WNK2: variants seen among roughly 807,000 people sequenced by gnomAD.
WNK2 encodes the protein serine/threonine-protein kinase WNK2.
A neutral mutation model predicts 192.1 loss-of-function variants in WNK2; 67 were observed. The ratio of observed to expected loss-of-function variants is 0.35; its 90% CI spans 0.29 to 0.43. The LOEUF is 0.43. Among genes scored for constraint, WNK2 ranks in the 20% least tolerant of loss-of-function variants. The pLI, the probability that WNK2 is intolerant of heterozygous loss-of-function variation, is 1.00. For missense variants in WNK2, 2,698 were observed against 3,089.7 expected, an observed-to-expected ratio of 0.87 and a Z score of 3.01; for synonymous variants, 1,439 against 1,393.9, an observed-to-expected ratio of 1.03 and a Z score of -0.72.
intron 2 of WNK2, among the ~76,000 whole-genome samples, chr9:93,200,710 T>C (rs1311263262): frequency 6.6e-6 from 1 of 152,026 alleles, no homozygotes; most frequent in African/African-American, 2.4e-5. Flanking sequence ...GACTTAGAGG[T>C]GAGACGGCCA....
chr9:93,274,515 C>CAAAAAAA (rs67350876), intron 19 of WNK2, among the ~76,000 whole-genome samples: 7 of 118,374 alleles, frequency 5.9e-5, no homozygotes, highest in African/African-American at 2.0e-4. Flanking sequence ...CCGTCTCAAC[C>CAAAAAAA]AAAAAAAAAA....
intron 23 of WNK2, among the ~76,000 whole-genome samples, chr9:93,296,473 ATCCT>A (rs558910168): frequency 1.0e-4 from 2 of 19,382 alleles, no homozygotes; most frequent in Admixed American, 7.7e-4. Context: ...CTCCTTCTTC[ATCCT>A]TCCTTCTCCC....
chr9:93,262,743 C>T lies in WNK2; in HGVS notation c.3410+24C>T, dbSNP rs774415787. On this transcript the variant is annotated intron_variant, in intron 14 of 29. Coordinates refer to ENST00000427277, the MANE Select transcript of WNK2 (RefSeq NM_006648.4). ...AGGTAGTGTGGCCCAGCCTCGACCT[C>T]GCAGGACGGGTGTAGGGGCGCAGGC... The T allele has an allele frequency of 1.5e-5, 24 of 1,610,786 alleles. No homozygotes were observed. In the Admixed American group the frequency reaches 2.8e-4, roughly 19 times the overall value.
At position 93,229,458 on chromosome 9, in the gene WNK2, G is replaced by A. The variant is rs1838366258; in HGVS notation, c.682-238G>A. On this transcript the variant is annotated intron_variant, in intron 2 of 29. Transcript: ENST00000427277. This position sits in a 1 kb window ranked among gnomAD's most constrained non-coding sequence, Gnocchi z 4.9. ...CGTGTGGATTTGCGAGACCTCTTCG[G>A]CTTCCTAGGATGTCTTTTTGCTGAG... Among the ~76,000 whole-genome samples, 1 of 152,072 alleles carries A rather than the reference G, an allele frequency of 6.6e-6. No individual in the cohort carries two copies. The highest frequency in any genetic ancestry group is 2.1e-4 in the South Asian group (1 of 4,830).
chr9:93,263,496 T>A (rs1844625418), intron 14 of WNK2, 70 bp from the exon 15 acceptor site: 2 of 1,560,880 alleles, frequency 1.3e-6, no homozygotes, highest in Admixed American at 1.9e-5. Flanking sequence ...CCAGATAAGC[T>A]GACTTTCCCC....
At chr9:93,225,894 G>A (rs1045349960) in intron 2 of WNK2, among the ~76,000 whole-genome samples, 3 of 145,796 alleles carry the variant, frequency 2.1e-5, no homozygotes, top group African/African-American at 7.7e-5. Flanking sequence ...CACCCTGGGT[G>A]CATGTCTTTC....
chr9:93,307,495 A>G (rs1852796395), intron 27 of WNK2: 1 of 152,248 alleles, frequency 6.6e-6, no homozygotes. Context: ...TGTTGCCTGG[A>G]AAGGGTATGA....
intron 2 of WNK2, among the ~76,000 whole-genome samples, chr9:93,205,250 C>T (rs1368414809): frequency 1.3e-5 from 2 of 152,228 alleles, no homozygotes; most frequent in Non-Finnish European, 2.9e-5. Context: ...ACCTTACCCA[C>T]TTCCTGAGTT....
chr9:93,269,408 A>G (rs1845706200), intron 19 of WNK2, among the ~76,000 whole-genome samples: 2 of 152,182 alleles, frequency 1.3e-5, no homozygotes, highest in African/African-American at 2.4e-5. Context: ...AAATATCTGT[A>G]AATCATTTTT....
intron 26 of WNK2, among the ~76,000 whole-genome samples, chr9:93,304,632 T>G (rs1852183466): frequency 6.6e-6 from 1 of 151,722 alleles, no homozygotes; most frequent in Admixed American, 6.6e-5. Context: ...ACAGAGCGAG[T>G]GGCAGGGGGC....
chr9:93,271,554 A>G (rs1846007497), intron 19 of WNK2, among the ~76,000 whole-genome samples: 1 of 152,246 alleles, frequency 6.6e-6, no homozygotes, highest in African/African-American at 2.4e-5. Context: ...AAGAAACAGA[A>G]GATGCAAAGA....
chr9:93,256,851 T>A lies in WNK2; in HGVS notation c.2191-97T>A, dbSNP rs2132773998. The A allele has an allele frequency of 2.6e-6, 3 of 1,155,818 alleles. No homozygotes were observed. In the East Asian group the frequency reaches 7.8e-5, roughly 30 times the overall value. 71.6% of individuals were successfully genotyped at this position (1,155,818 alleles called of 1,614,324 possible). On this transcript the variant is annotated intron_variant, in intron 10 of 29. Transcript: ENST00000427277. ...GAATGTGAGCATGTGCGTGTGCATG[T>A]GAGGGTGAGGGTTGATATCCTGTCA... is the stretch of plus-strand genomic sequence containing the variant.
Position 93,185,514 on chromosome 9 carries a change from C to G in WNK2, c.585C>G (p.Leu195=), listed in dbSNP as rs758846320. 6.2e-7 allele frequency: 1 copy of G among 1,612,868 alleles called. No homozygotes were observed. Among genetic ancestry groups the G allele is most frequent in the Non-Finnish European group, 8.5e-7 (1 of 1,179,750 alleles). Residue 195 remains leucine, a synonymous_variant, in exon 2 of 30, where the codon CTC becomes CTG. Coordinates refer to ENST00000427277, the MANE Select transcript of WNK2 (RefSeq NM_006648.4). The part of the protein sequence containing the change: ...AVATSLDGRF[L]KFDIELGRGS... ...CCACCTCTCTGGACGGCCGCTTCCT[C>G]AAGTTCGACATCGAGCTGGGCCGCG...
chr9:93,268,029 C>T lies in WNK2; in HGVS notation c.3877C>T (p.Gln1293Ter). Reference sequence around the variant, plus strand: ...CCTCCACCTCATTCAGGAGAGCCGACAATCCCAAGCCAACGCCCCCGTGTA... The same window carrying T: ...CCTCCACCTCATTCAGGAGAGCCGATAATCCCAAGCCAACGCCCCCGTGTA... ...CGLGTGEESR[Q>*]SQANAPVYQQ... Residue 1293 changes from glutamine (Q) to a stop codon, truncating the protein, a stop_gained, in exon 18 of 30, where the codon CAA (glutamine) becomes TAA (stop). Transcript: ENST00000427277. LOFTEE classifies it high-confidence loss of function. The T allele has an allele frequency of 6.2e-7, 1 of 1,612,220 alleles. No homozygotes were observed. The highest frequency in any genetic ancestry group is 8.5e-7 in the Non-Finnish European group (1 of 1,179,230).
rs571941921 is a variant in WNK2, at chr9:93,313,756, G to A, written c.6517-3764G>A. 6.6e-5 allele frequency among the ~76,000 whole-genome samples: 10 copies of A among 152,154 alleles called. No homozygotes were observed. The South Asian group carries it at 1.7e-3, about 25-fold the overall frequency. On this transcript the variant is annotated intron_variant, in intron 28 of 29. Coordinates refer to ENST00000427277, the MANE Select transcript of WNK2 (RefSeq NM_006648.4). Reference sequence around the variant, plus strand: ...TTTAACTTTTTATTATTGATTTGTGGGAGTTCATCATATATCTTTTGTCAT... The same window carrying A: ...TTTAACTTTTTATTATTGATTTGTGAGAGTTCATCATATATCTTTTGTCAT...
In WNK2 at chr9:93,297,232, C is replaced by T. The variant is rs149728633; in HGVS notation, c.5709-621C>T. Among the ~76,000 whole-genome samples the T allele has an allele frequency of 8.6e-5, 13 of 151,954 alleles. 2 individuals are homozygous for T. The East Asian group carries it at 2.5e-3, about 30-fold the overall frequency. On this transcript the variant is annotated intron_variant, in intron 23 of 29. Transcript: ENST00000427277. ...TCCGCATCCTCCCCTTTGCATCCTC[C>T]CCTGGGCATCCTCCTCTTGCCTCGG...
chr9:93,320,306 C>T (rs1298398129), intron 29 of WNK2, 61 bp from the exon 30 acceptor site: 1 of 1,366,118 alleles, frequency 7.3e-7, no homozygotes, highest in Non-Finnish European at 9.8e-7. Context: ...AGGGCCTGGC[C>T]CTTGGCGAGT....
intron 29 of WNK2, chr9:93,319,252 A>G (rs567303457): frequency 6.4e-7 from 1 of 1,567,022 alleles, no homozygotes; most frequent in East Asian, 2.3e-5. Context: ...TCCATATAAA[A>G]TCCAAAGCAA....
intron 2 of WNK2, among the ~76,000 whole-genome samples, chr9:93,192,755 G>A (rs1830560787): frequency 6.6e-6 from 1 of 152,222 alleles, no homozygotes; most frequent in African/African-American, 2.4e-5. Flanking sequence ...AAAGACAACT[G>A]TCCCTTCCCT....
Sources: gnomAD v4.1 joint callset for allele counts (sites outside exome capture counted in the v4.1 genomes callset) on GRCh38, gnomAD v4.1.1 for gene constraint, Gnocchi (gnomAD v3.1) non-coding constraint, MANE v1.5 for transcripts, NCBI Gene and HGNC (gene_info 2026-07-23, HGNC 2026-07-21) for gene names.